PNISR: variants seen among roughly 807,000 people sequenced by gnomAD.
PNISR encodes arginine/serine-rich protein PNISR.
In PNISR, 20 loss-of-function variants were observed where a neutral mutation model predicts 93.4. The ratio of observed to expected loss-of-function variants is 0.21; its 90% CI spans 0.15 to 0.31. The LOEUF (loss-of-function observed/expected upper bound fraction) is 0.31, where lower values mean the gene tolerates loss of function less well. Among genes scored for constraint, PNISR ranks in the 10% least tolerant of loss-of-function variants. PNISR has a pLI of 1.00. For missense variants in PNISR, 893 were observed against 985.4 expected (o/e 0.91, Z 1.25); for synonymous variants, 305 against 306.5 (o/e 0.99, Z 0.05).
Position 99,423,986 on chromosome 6 carries a change from GT to G in PNISR, c.-112+1228del, listed in dbSNP as rs562545082. Reference sequence around the variant, plus strand: ...ATATATTGGGCTAAGGTCCACCCTAGTGACCTCATCTTCTTTAAAGACCCTC... The same window carrying G: ...ATATATTGGGCTAAGGTCCACCCTAGGACCTCATCTTCTTTAAAGACCCTC... On this transcript the variant is annotated intron_variant, in intron 1 of 11. Coordinates refer to ENST00000369239, the MANE Select transcript of PNISR (RefSeq NM_032870.4). Among the ~76,000 whole-genome samples, 9 of 152,216 alleles carry G rather than the reference GT, an allele frequency of 5.9e-5. No individual in the cohort carries two copies. In the South Asian group the frequency reaches 1.9e-3, roughly 32 times the overall value.
chr6:99,407,999 A>G, intron 7 of PNISR, 82 bp downstream of exon 7: 1 of 997,254 alleles, frequency 1.0e-6, no homozygotes, highest in Non-Finnish European at 1.5e-6. Flanking sequence ...ATACTTTCCT[A>G]TAGGCTAAAA....
At position 99,401,617 on chromosome 6, in the gene PNISR, T is replaced by C. The variant is rs1222887804; in HGVS notation, c.1341A>G (p.Gln447=). Residue 447 remains glutamine, a synonymous_variant, in exon 12 of 12, where the codon CAA becomes CAG. Coordinates refer to ENST00000369239, the MANE Select transcript of PNISR (RefSeq NM_032870.4). ...TCATCTCTTTTGTAACCCTTTCTGT[T>C]TGCTGCTTTTCTTCTGAAACAGAAA... is the stretch of plus-strand genomic sequence containing the variant. The part of the protein sequence containing the change: ...HDKQMEEEKQ[Q]TERVTKEMNE... 12 of 1,535,892 alleles carry C rather than the reference T, an allele frequency of 7.8e-6. No individual in the cohort carries two copies. In the East Asian group the frequency reaches 2.7e-4, roughly 35 times the overall value.
chr6:99,420,908 A>G (rs931785088), intron 1 of PNISR, among the ~76,000 whole-genome samples: 8 of 152,204 alleles, frequency 5.3e-5, no homozygotes, highest in Admixed American at 3.3e-4. Context: ...AACATTTTAT[A>G]ATAATTTAAA....
chr6:99,416,540 G>C, intron 1 of PNISR, 112 bp from the exon 2 acceptor site: 1 of 399,992 alleles, frequency 2.5e-6, no homozygotes, highest in Non-Finnish European at 4.4e-6. Flanking sequence ...ACTTTTCCTT[G>C]CATTAACTTT....
At chr6:99,422,621 C>T (rs540727700) in intron 1 of PNISR, among the ~76,000 whole-genome samples, 1 of 152,138 alleles carries the variant, frequency 6.6e-6, no homozygotes, top group Non-Finnish European at 1.5e-5. Context: ...TGCCTGTAAA[C>T]CCAGCACTTT....
chr6:99,424,955 C>T (rs565394529), intron 1 of PNISR: 2 of 326,924 alleles, frequency 6.1e-6, no homozygotes, highest in Admixed American at 4.9e-5. Flanking sequence ...AACAATTAGT[C>T]CCTTCTCGTC....
chr6:99,419,074 C>T (rs1166595331), intron 1 of PNISR, among the ~76,000 whole-genome samples: 5 of 138,714 alleles, frequency 3.6e-5, no homozygotes, highest in South Asian at 2.3e-4. Context: ...TGCTTGAACC[C>T]GGGAGGTGGA....
At chr6:99,424,920 G>A (rs1269287582) in intron 1 of PNISR, 4 of 273,350 alleles carry the variant, frequency 1.5e-5, no homozygotes, top group Non-Finnish European at 2.7e-5. Context: ...CGCACGCGCA[G>A]TGTTTAACGG....
chr6:99,402,326 C>G (rs1172143960), intron 11 of PNISR, among the ~76,000 whole-genome samples: 1 of 152,044 alleles, frequency 6.6e-6, no homozygotes, highest in Admixed American at 6.6e-5. Context: ...AGACTTTTAG[C>G]AAGAAATAAA....
chr6:99,403,736 G>A (rs1168082395), intron 10 of PNISR, 93 bp downstream of exon 10: 2 of 890,678 alleles, frequency 2.2e-6, no homozygotes, highest in African/African-American at 3.3e-5. Context: ...AAACTGAGTA[G>A]GACTAATACA....
At chr6:99,421,093 T>G (rs1778492167) in intron 1 of PNISR, among the ~76,000 whole-genome samples, 1 of 152,230 alleles carries the variant, frequency 6.6e-6, no homozygotes, top group South Asian at 2.1e-4. Context: ...GACTTAATTT[T>G]AAAGCTTGTT....
chr6:99,400,295 G>A lies in PNISR; in HGVS notation c.*245C>T, dbSNP rs1018354106. ...CACATCATTCCTCAGCGTTTACGAC[G>A]GGGAGGGGTTGTTGATCTGAAAAAA... On this transcript the variant is annotated 3_prime_UTR_variant, in exon 12 of 12. Coordinates refer to ENST00000369239, the MANE Select transcript of PNISR (RefSeq NM_032870.4). 3.2e-5 allele frequency: 33 copies of A among 1,041,108 alleles called. No homozygotes were observed. Among genetic ancestry groups the A allele is most frequent in the South Asian group, 2.1e-4 (5 of 23,566 alleles). 64.5% of individuals were successfully genotyped at this position (1,041,108 alleles called of 1,614,324 possible).
chr6:99,415,332 A>G (rs1028393517), intron 2 of PNISR: 2 of 152,206 alleles, frequency 1.3e-5, no homozygotes, highest in Non-Finnish European at 2.9e-5. Context: ...TACTTCCAAT[A>G]TAAAGCAATT....
chr6:99,412,403 G>A (rs999857598), intron 4 of PNISR, 148 bp downstream of exon 4: 1 of 716,062 alleles, frequency 1.4e-6, no homozygotes, highest in South Asian at 1.5e-5. Flanking sequence ...ACCACAAAAT[G>A]TCAAAGTCAA....
chr6:99,414,357 T>C (rs887536689), intron 3 of PNISR, among the ~76,000 whole-genome samples: 1 of 152,224 alleles, frequency 6.6e-6, no homozygotes, highest in Non-Finnish European at 1.5e-5. Context: ...ATGTAAAATC[T>C]TCAAAAAGCT....
chr6:99,410,543 A>G (rs1438077178), intron 5 of PNISR, 198 bp downstream of exon 5: 1 of 536,456 alleles, frequency 1.9e-6, no homozygotes, highest in African/African-American at 1.9e-5. Flanking sequence ...CTTTTATACC[A>G]TTTTCCTAAT....
chr6:99,404,210 G>T, intron 9 of PNISR: 1 of 368,190 alleles, frequency 2.7e-6, no homozygotes, highest in Non-Finnish European at 4.9e-6. Context: ...GAAATCACTT[G>T]CTTCTGTAAG....
At chr6:99,411,004 T>C (rs1416570340) in intron 4 of PNISR, 40 bp from the exon 5 acceptor site, 1 of 1,441,496 alleles carries the variant, frequency 6.9e-7, no homozygotes. Flanking sequence ...AACAGGCGGT[T>C]ATAACAAAAT....
chr6:99,410,065 A>G (rs572851268), intron 5 of PNISR: 1 of 152,368 alleles, frequency 6.6e-6, no homozygotes, highest in African/African-American at 2.4e-5. Flanking sequence ...TCATGAAATA[A>G]TTCTTTCAAA....
Sources: gnomAD v4.1 joint callset for allele counts (sites outside exome capture counted in the v4.1 genomes callset) on GRCh38, gnomAD v4.1.1 for gene constraint, MANE v1.5 for transcripts, NCBI Gene and HGNC (gene_info 2026-07-23, HGNC 2026-07-21) for gene names.